The following DGLUCY variants were observed in gnomAD, a reference collection of about 807,000 sequenced individuals.
DGLUCY encodes D-glutamate cyclase, also known as D-glutamate cyclase, mitochondrial.
DGLUCY carries 58 observed loss-of-function variants against 58.5 expected under a neutral mutation model. The observed-to-expected ratio is 0.99, with a 90% CI of 0.80 to 1.23. The LOEUF is 1.23. DGLUCY is among the 50% of genes most tolerant of loss of function. The probability of loss-of-function intolerance (pLI) is 0.00; values close to 1 mark genes in which losing one functional copy is unlikely to be tolerated. For missense variants in DGLUCY, 779 were observed against 784.7 expected (o/e 0.99, Z 0.09); for synonymous variants, 325 against 314.1 (o/e 1.03, Z -0.37).
chr14:91,078,028 T>G (rs1163626596), intron 1 of DGLUCY, among the ~76,000 whole-genome samples: 4 of 152,130 alleles, frequency 2.6e-5, no homozygotes, highest in Non-Finnish European at 5.9e-5. Context: ...AGCTATTTTG[T>G]TTTTATTGTT....
At chr14:91,200,301 T>C (rs1465559613) in intron 11 of DGLUCY, among the ~76,000 whole-genome samples, 1 of 152,170 alleles carries the variant, frequency 6.6e-6, no homozygotes, top group Non-Finnish European at 1.5e-5. Context: ...GAAAGAGTTA[T>C]GTGGGGACCA....
At chr14:91,112,181 G>A (rs931401912), upstream of DGLUCY, among the ~76,000 whole-genome samples, 6 of 150,304 alleles carry the variant, frequency 4.0e-5, no homozygotes, top group South Asian at 2.1e-4. Flanking sequence ...CCCAGGAGGC[G>A]AAGATTGCGG....
chr14:91,210,256 T>TA (rs1252878428), intron 12 of DGLUCY, among the ~76,000 whole-genome samples: 2 of 152,156 alleles, frequency 1.3e-5, no homozygotes, highest in Non-Finnish European at 2.9e-5. Flanking sequence ...GCATAACTGA[T>TA]AAAACTGCAA....
chr14:91,183,086 G>C (rs2049286280), intron 8 of DGLUCY, among the ~76,000 whole-genome samples: 2 of 151,820 alleles, frequency 1.3e-5, no homozygotes, highest in African/African-American at 4.8e-5. Flanking sequence ...CCACCTCCTA[G>C]GCTCAAGCAA....
At chr14:91,133,289 C>T (rs2046137045) in intron 1 of DGLUCY, among the ~76,000 whole-genome samples, 1 of 152,152 alleles carries the variant, frequency 6.6e-6, no homozygotes, top group African/African-American at 2.4e-5. Flanking sequence ...CAGCAAGACT[C>T]CGTCTCAACA....
chr14:91,167,493 G>T (rs1253115026), intron 4 of DGLUCY, 115 bp downstream of exon 4: 1 of 1,340,100 alleles, frequency 7.5e-7, no homozygotes, highest in Non-Finnish European at 1.1e-6. Context: ...ACAGTGCCTG[G>T]CACAGAACCT....
At position 91,170,148 on chromosome 14, in the gene DGLUCY, G is replaced by A. The variant is rs776751842; in HGVS notation, c.403G>A (p.Ala135Thr). The A allele has an allele frequency of 6.8e-6, 11 of 1,613,518 alleles. No individual in the cohort carries two copies. Among genetic ancestry groups the A allele is most frequent in the Admixed American group, 1.7e-5 (1 of 60,012 alleles). ...SFSLEEALEKAGLPRRDPAGH... is the reference protein window; with the variant it reads ...SFSLEEALEKTGLPRRDPAGH... Reference sequence around the variant, plus strand: ...CTCCCTGGAGGAGGCCTTGGAGAAAGCGGGGCTCCCCAGAAGAGACCCAGC... The same window carrying A: ...CTCCCTGGAGGAGGCCTTGGAGAAAACGGGGCTCCCCAGAAGAGACCCAGC... The change falls in exon 5 of 14, where the codon GCG (alanine) becomes ACG (threonine). Residue 135 changes from alanine (A) to threonine (T), a missense_variant. By Grantham distance (58) the Ala-to-Thr change is moderately conservative. Coordinates refer to ENST00000256324, the MANE Select transcript of DGLUCY (RefSeq NM_001102368.3).
Position 91,173,351 on chromosome 14 carries a change from C to T in DGLUCY, c.519C>T (p.Pro173=), listed in dbSNP as rs766737354. 1 of 1,613,948 alleles carries T rather than the reference C, an allele frequency of 6.2e-7. No homozygotes were observed. Among genetic ancestry groups the T allele is most frequent in the African/African-American group, 1.3e-5 (1 of 74,966 alleles). ...FCCPLVVTMR[P]IPKDKLEGLV... is the part of the protein sequence containing the mutation. ...GCCCTCTGGTGGTCACGATGAGGCC[C>T]ATTCCCAAGGACAAGCTGGAAGGGC... The change falls in exon 6 of 14, where the codon CCC becomes CCT. Residue 173 remains proline, a synonymous_variant. Transcript: ENST00000256324.
upstream of DGLUCY, among the ~76,000 whole-genome samples, chr14:91,104,487 GC>G (rs955636316): frequency 3.0e-4 from 45 of 152,200 alleles, no homozygotes; most frequent in African/African-American, 9.4e-4. Context: ...GAATTATCTG[GC>G]CCCAAATGTC....
chr14:91,062,372 C>T (rs2043714698), intron 1 of DGLUCY, among the ~76,000 whole-genome samples: 1 of 150,938 alleles, frequency 6.6e-6, no homozygotes, highest in African/African-American at 2.4e-5. Flanking sequence ...CATGGCAAAA[C>T]CCTGAATCTA....
chr14:91,210,639 A>G (rs1239493518), intron 12 of DGLUCY, among the ~76,000 whole-genome samples: 1 of 152,216 alleles, frequency 6.6e-6, no homozygotes, highest in Non-Finnish European at 1.5e-5. Context: ...GTCAATAGAT[A>G]CAGAAAAAGC....
intron 2 of DGLUCY, among the ~76,000 whole-genome samples, chr14:91,159,734 T>C (rs6575185): frequency 0.085 from 13,003 of 152,174 alleles, 1,912 homozygotes; most frequent in African/African-American, 0.3. Flanking sequence ...AAGTCACATG[T>C]CGACAGAAAC....
chr14:91,188,950 G>A lies in DGLUCY; in HGVS notation c.975G>A (p.Leu325=), dbSNP rs757812724. 9 of 1,614,192 alleles carry A rather than the reference G, an allele frequency of 5.6e-6. No individual in the cohort carries two copies. The highest frequency in any genetic ancestry group is 1.6e-4 in the Middle Eastern group (1 of 6,062). The change falls in exon 9 of 14, where the codon CTG becomes CTA. Residue 325 remains leucine, a synonymous_variant. Coordinates refer to ENST00000256324, the MANE Select transcript of DGLUCY (RefSeq NM_001102368.3). ...GGCACCTGCTCTGTAAAGATGAGCT[G>A]CTGAAGGCCTCTCTCTCGCTGTCCC... is the stretch of plus-strand genomic sequence containing the variant. ...GIGHLLCKDE[L]LKASLSLSHA... is the part of the protein sequence containing the mutation.
chr14:91,203,234 T>A (rs549992299), intron 11 of DGLUCY, among the ~76,000 whole-genome samples: 63 of 152,374 alleles, frequency 4.1e-4, no homozygotes, highest in Non-Finnish European at 7.5e-4. Flanking sequence ...TTCAGTGGGC[T>A]GTCATAGATC....
chr14:91,203,786 C>A (rs1318234211), intron 11 of DGLUCY, among the ~76,000 whole-genome samples: 1 of 151,900 alleles, frequency 6.6e-6, no homozygotes. Context: ...AAGTGATTCT[C>A]CTGGCTCAGC....
intron 9 of DGLUCY, 78 bp downstream of exon 9, chr14:91,189,248 G>A (rs2046032868): frequency 6.4e-7 from 1 of 1,551,580 alleles, no homozygotes; most frequent in Non-Finnish European, 8.8e-7. Context: ...AGCATCTGCA[G>A]TACAGAGCAT....
In DGLUCY at chr14:91,158,687, C is replaced by T. The variant is rs569363915; in HGVS notation, c.-30+997C>T. ...TTCATTCTGCAGTCAGCTAGTCATC[C>T]AACAAACACTTACTGAACTCCCACC... On this transcript the variant is annotated intron_variant, in intron 2 of 13. Transcript: ENST00000256324. 6.6e-4 allele frequency among the ~76,000 whole-genome samples: 101 copies of T among 152,230 alleles called. 1 individual carries two copies. The highest frequency in any genetic ancestry group is 1.0e-3 in the Admixed American group (16 of 15,270).
In DGLUCY at chr14:91,114,127, T is replaced by A. The variant is rs539370090; in HGVS notation, c.-238T>A. 6.6e-6 allele frequency: 1 copy of A among 152,452 alleles called. No individual in the cohort carries two copies. The highest frequency in any genetic ancestry group is 2.1e-4 in the South Asian group (1 of 4,822). The allele number at this position is 152,452 out of a possible 1,614,324, so 9.4% of individuals were successfully genotyped here. A position where few individuals can be genotyped will look rare whatever the true frequency, so the allele number is the denominator to read the frequency against. On this transcript the variant is annotated 5_prime_UTR_variant, in exon 1 of 14. The change creates a new upstream start codon in the 5' untranslated region. Coordinates refer to ENST00000256324, the MANE Select transcript of DGLUCY (RefSeq NM_001102368.3). ...GTCAGCGCTTGGGGCTGGCCTCAGC[T>A]TGTAGACCCGAGCCCTGCAGAACAA...
intron 1 of DGLUCY, among the ~76,000 whole-genome samples, chr14:91,063,250 C>CTTTT (rs780078383): frequency 1.4e-5 from 2 of 142,366 alleles, no homozygotes; most frequent in African/African-American, 2.6e-5. Flanking sequence ...CACAGGAAGA[C>CTTTT]TTTTTTTTTT....
Sources: allele counts gnomAD v4.1 joint callset (sites outside exome capture counted in the v4.1 genomes callset), GRCh38; gene constraint gnomAD v4.1.1; transcripts MANE v1.5; gene names NCBI Gene and HGNC (gene_info 2026-07-23, HGNC 2026-07-21).